The following MMP16 variants were observed in gnomAD, a reference collection of about 807,000 sequenced individuals.
The protein encoded by MMP16 is matrix metallopeptidase 16.
MMP16 carries 12 observed loss-of-function variants against 67.8 expected under a neutral mutation model. The ratio of observed to expected loss-of-function variants is 0.18; its 90% CI spans 0.11 to 0.29. The LOEUF is 0.29. MMP16 is among the 10% of genes least tolerant of loss of function. The pLI is 1.00. For synonymous variants in MMP16, 249 were observed against 255.9 expected, an observed-to-expected ratio of 0.97 and a Z score of 0.26; for missense variants, 475 against 765.7, an observed-to-expected ratio of 0.62 and a Z score of 4.48.
chr8:88,226,289 TA>T (rs1809768213), intron 1 of MMP16, among the ~76,000 whole-genome samples: 1 of 152,082 alleles, frequency 6.6e-6, no homozygotes, highest in Non-Finnish European at 1.5e-5. Flanking sequence ...TGAATAGACT[TA>T]TTAATTTTGG....
At chr8:88,192,306 T>C (rs1809181792) in intron 2 of MMP16, among the ~76,000 whole-genome samples, 1 of 152,168 alleles carries the variant, frequency 6.6e-6, no homozygotes, top group African/African-American at 2.4e-5. Context: ...ACTGCCTGTA[T>C]AGACACACAG....
intron 1 of MMP16, among the ~76,000 whole-genome samples, chr8:88,278,826 G>A (rs1810688320): frequency 6.6e-6 from 1 of 151,938 alleles, no homozygotes; most frequent in South Asian, 2.1e-4. Context: ...TATTATCTAG[G>A]GGCATTGTAC....
chr8:88,227,848 G>A lies in MMP16; in HGVS notation c.133-30542C>T, dbSNP rs574839158. 1.6e-3 allele frequency among the ~76,000 whole-genome samples: 244 copies of A among 152,066 alleles called. 1 individual carries two copies. Among genetic ancestry groups the A allele is most frequent in the Non-Finnish European group, 2.8e-3 (192 of 67,964 alleles). On this transcript the variant is annotated intron_variant, in intron 1 of 9. Coordinates refer to ENST00000286614, the MANE Select transcript of MMP16 (RefSeq NM_005941.5). ...ACTCTGTTTCATTTAACTCTGAAGA[G>A]CCCATTCCCTAAAATACCCAGGAAC...
chr8:88,212,372 A>C (rs927325784), intron 1 of MMP16, among the ~76,000 whole-genome samples: 4 of 152,194 alleles, frequency 2.6e-5, no homozygotes, highest in Admixed American at 6.6e-5. Flanking sequence ...GTGAGAATTC[A>C]ATAAAATTGG....
At chr8:88,162,185 T>C (rs1808638295) in intron 4 of MMP16, among the ~76,000 whole-genome samples, 1 of 150,204 alleles carries the variant, frequency 6.7e-6, no homozygotes, top group African/African-American at 2.5e-5. Flanking sequence ...GATCTAAAAA[T>C]TAATAACCAA....
At chr8:88,145,438 A>T (rs1043352106) in intron 4 of MMP16, among the ~76,000 whole-genome samples, 1 of 152,018 alleles carries the variant, frequency 6.6e-6, no homozygotes, top group Non-Finnish European at 1.5e-5. Context: ...TCACATGACT[A>T]TATACATTTT....
chr8:88,143,158 C>G (rs1238012187), intron 4 of MMP16, among the ~76,000 whole-genome samples: 2 of 151,994 alleles, frequency 1.3e-5, no homozygotes, highest in Non-Finnish European at 2.9e-5. Flanking sequence ...CATCACATAT[C>G]TGGGTCAATC....
At chr8:88,146,544 A>G (rs1368146722) in intron 4 of MMP16, among the ~76,000 whole-genome samples, 1 of 151,932 alleles carries the variant, frequency 6.6e-6, no homozygotes, top group Admixed American at 6.6e-5. Flanking sequence ...GTCTTTTGCA[A>G]TTTGCCCTAT....
At chr8:88,087,870 G>C (rs1030422104) in intron 6 of MMP16, among the ~76,000 whole-genome samples, 1 of 151,388 alleles carries the variant, frequency 6.6e-6, no homozygotes, top group African/African-American at 2.4e-5. Flanking sequence ...CTTAAACCTG[G>C]CAGGTTGAGG....
chr8:88,186,734 TAAAGGG>T, intron 2 of MMP16, 136 bp from the exon 3 acceptor site: 2 of 1,186,116 alleles, frequency 1.7e-6, no homozygotes, highest in African/African-American at 1.5e-5. Flanking sequence ...AAATATAAAG[TAAAGGG>T]AACACTGTGA....
At chr8:88,089,123 G>C (rs2118337759) in intron 6 of MMP16, among the ~76,000 whole-genome samples, 1 of 152,084 alleles carries the variant, frequency 6.6e-6, no homozygotes, top group South Asian at 2.1e-4. Flanking sequence ...CATAGTACCA[G>C]GTGTCATTTT....
chr8:88,317,682 T>A (rs1408705309), intron 1 of MMP16, among the ~76,000 whole-genome samples: 1 of 152,172 alleles, frequency 6.6e-6, no homozygotes, highest in Non-Finnish European at 1.5e-5. Context: ...CAGCTAGATT[T>A]TTACCTTTGT....
chr8:88,056,030 A>C (rs1218090650), intron 8 of MMP16, 98 bp downstream of exon 8: 1 of 919,310 alleles, frequency 1.1e-6, no homozygotes, highest in African/African-American at 1.7e-5. Context: ...TAAATCCACC[A>C]GGATTCTTCA....
intron 1 of MMP16, among the ~76,000 whole-genome samples, chr8:88,260,340 A>T (rs1359493937): frequency 6.6e-6 from 1 of 152,130 alleles, no homozygotes; most frequent in African/African-American, 2.4e-5. Context: ...CAAAGAAAGA[A>T]ATTAAAACAT....
Position 88,282,452 on chromosome 8 carries a change from T to A in MMP16, c.132+44623A>T, listed in dbSNP as rs536859172. On this transcript the variant is annotated intron_variant, in intron 1 of 9. Coordinates refer to ENST00000286614, the MANE Select transcript of MMP16 (RefSeq NM_005941.5). ...AACTGTAAAAATTAATTCAATAGAA[T>A]CTATGAGGGTTCTGTAGGAATACTA... is the stretch of plus-strand genomic sequence containing the variant. Among the ~76,000 whole-genome samples the A allele has an allele frequency of 5.3e-5, 8 of 152,334 alleles. No individual in the cohort carries two copies. The East Asian group carries it at 1.5e-3, about 29-fold the overall frequency.
intron 8 of MMP16, among the ~76,000 whole-genome samples, chr8:88,052,366 C>A (rs1054047679): frequency 1.1e-4 from 16 of 152,114 alleles, no homozygotes; most frequent in African/African-American, 3.6e-4. Context: ...AAAATCCAAG[C>A]CCTGAGGACA....
intron 1 of MMP16, among the ~76,000 whole-genome samples, chr8:88,308,314 G>A (rs901662936): frequency 1.3e-5 from 2 of 152,058 alleles, no homozygotes; most frequent in African/African-American, 4.8e-5. Context: ...AGGCTAAGAC[G>A]TAGGAGGCAT....
intron 1 of MMP16, among the ~76,000 whole-genome samples, chr8:88,320,029 A>T (rs2130085294): frequency 6.6e-6 from 1 of 152,304 alleles, no homozygotes; most frequent in Admixed American, 6.5e-5. Flanking sequence ...GCATGCCCTA[A>T]TGCATTAGCA....
intron 1 of MMP16, among the ~76,000 whole-genome samples, chr8:88,298,206 C>G (rs569526402): frequency 6.6e-6 from 1 of 152,120 alleles, no homozygotes; most frequent in African/African-American, 2.4e-5. Flanking sequence ...ACTTTGAGTA[C>G]GTTCAGTTAA....
Sources: gnomAD v4.1 joint callset for allele counts (sites outside exome capture counted in the v4.1 genomes callset) on GRCh38, gnomAD v4.1.1 for gene constraint, MANE v1.5 for transcripts, NCBI Gene and HGNC (gene_info 2026-07-23, HGNC 2026-07-21) for gene names.